TMEM167A: variants seen among roughly 807,000 people sequenced by gnomAD.
The protein encoded by TMEM167A is transmembrane protein 167A.
Under a neutral mutation model 11.6 loss-of-function variants are expected in TMEM167A, and 8 were observed. The observed-to-expected ratio is 0.69, with a 90% CI of 0.40 to 1.24. The LOEUF (loss-of-function observed/expected upper bound fraction) is 1.24, where lower values mean the gene tolerates loss of function less well. Among genes scored for constraint, TMEM167A ranks in the 50% most tolerant of loss-of-function variants. The probability of loss-of-function intolerance (pLI) is 0.01; values close to 1 mark genes in which losing one functional copy is unlikely to be tolerated. For synonymous variants in TMEM167A, 22 were observed against 28.0 expected, an observed-to-expected ratio of 0.79 and a Z score of 0.67; for missense variants, 62 against 87.0, an observed-to-expected ratio of 0.71 and a Z score of 1.14.
intron 3 of TMEM167A, among the ~76,000 whole-genome samples, chr5:83,060,655 C>G (rs1386674585): frequency 6.6e-6 from 1 of 152,012 alleles, no homozygotes; most frequent in East Asian, 1.9e-4. Context: ...CATAGTGAAA[C>G]CCTGTCTCTA....
chr5:83,061,182 T>C (rs1049324763), intron 3 of TMEM167A, among the ~76,000 whole-genome samples: 2 of 152,180 alleles, frequency 1.3e-5, no homozygotes, highest in African/African-American at 2.4e-5. Flanking sequence ...AAAGTGATTA[T>C]GTTCAGATAG....
At chr5:83,068,903 G>C (rs926335075) in intron 1 of TMEM167A, among the ~76,000 whole-genome samples, 1 of 152,138 alleles carries the variant, frequency 6.6e-6, no homozygotes, top group African/African-American at 2.4e-5. Flanking sequence ...ATAATCCAGT[G>C]CATGTGTGGT....
rs868537664 is a variant in TMEM167A, at chr5:83,067,869, A to G, written c.4-2752T>C. ...CTCAAATTGTCTAAGTGACACTTTT[A>G]TGGTCTGAAAAAGACAAAAATGATT... On this transcript the variant is annotated intron_variant, in intron 1 of 3. Coordinates refer to ENST00000502346, the MANE Select transcript of TMEM167A (RefSeq NM_174909.5). Among the ~76,000 whole-genome samples the G allele has an allele frequency of 3.3e-5, 5 of 152,260 alleles. No homozygotes were observed. In the East Asian group the frequency reaches 5.8e-4, roughly 18 times the overall value.
intron 1 of TMEM167A, among the ~76,000 whole-genome samples, chr5:83,076,194 T>A (rs1206240478): frequency 6.6e-6 from 1 of 152,222 alleles, no homozygotes; most frequent in African/African-American, 2.4e-5. Context: ...CTTGTAAACA[T>A]CTATTCAGAA....
intron 1 of TMEM167A, among the ~76,000 whole-genome samples, chr5:83,067,410 C>A (rs1744498963): frequency 6.6e-6 from 1 of 152,096 alleles, no homozygotes; most frequent in Admixed American, 6.6e-5. Context: ...AAGCAGTAGG[C>A]AAAAGGGGAT....
rs1450546400 is a variant in TMEM167A, at chr5:83,052,867, T to C, written c.*4217A>G. ...GCTCTTGAGAGTTCATCTTGACTTTTATTACACACTAGACATATATGAACT... is the reference window on the plus strand; with the variant it reads ...GCTCTTGAGAGTTCATCTTGACTTTCATTACACACTAGACATATATGAACT... On this transcript the variant is annotated 3_prime_UTR_variant, in exon 4 of 4. Coordinates refer to ENST00000502346, the MANE Select transcript of TMEM167A (RefSeq NM_174909.5). 3 of 152,006 alleles carry C rather than the reference T, an allele frequency of 2.0e-5. No homozygotes were observed. The highest frequency in any genetic ancestry group is 3.8e-4 in the East Asian group (2 of 5,198). 9.4% of individuals were successfully genotyped at this position (152,006 alleles called of 1,614,324 possible). A position where few individuals can be genotyped will look rare whatever the true frequency, so the allele number is the denominator to read the frequency against.
At chr5:83,062,875 A>T (rs1203932004) in intron 2 of TMEM167A, among the ~76,000 whole-genome samples, 1 of 150,932 alleles carries the variant, frequency 6.6e-6, no homozygotes, top group African/African-American at 2.4e-5. Context: ...TTACCAAAAG[A>T]GATGGCTGGC....
chr5:83,057,258 G>T (rs2112237538), intron 3 of TMEM167A, 104 bp from the exon 4 acceptor site: 1 of 1,067,928 alleles, frequency 9.4e-7, no homozygotes. Context: ...TTCCCTAGGA[G>T]GCCCGCACAT....
intron 3 of TMEM167A, among the ~76,000 whole-genome samples, chr5:83,060,655 C>T (rs1386674585): frequency 6.6e-6 from 1 of 151,894 alleles, no homozygotes; most frequent in Non-Finnish European, 1.5e-5. Flanking sequence ...CATAGTGAAA[C>T]CCTGTCTCTA....
rs1442125401 is a variant in TMEM167A at position 83,077,291 on chromosome 5, CA to C, written c.3+29del. The C allele has an allele frequency of 3.1e-6, 5 of 1,614,220 alleles. No homozygotes were observed. In the South Asian group the frequency reaches 5.5e-5, roughly 18 times the overall value. ...AGATCCACAACCCCTTCTCGAAGAT[CA>C]ACCGCGACCTGGGAGCCCCACTTCT... On this transcript the variant is annotated intron_variant, in intron 1 of 3. Coordinates refer to ENST00000502346, the MANE Select transcript of TMEM167A (RefSeq NM_174909.5).
At chr5:83,070,721 A>G (rs1273337824) in intron 1 of TMEM167A, among the ~76,000 whole-genome samples, 2 of 152,164 alleles carry the variant, frequency 1.3e-5, no homozygotes, top group Non-Finnish European at 1.5e-5. Context: ...TTGAAAAATT[A>G]GTTTTTAGAT....
chr5:83,076,508 A>C (rs1248727308), intron 1 of TMEM167A, among the ~76,000 whole-genome samples: 3 of 152,240 alleles, frequency 2.0e-5, no homozygotes, highest in Non-Finnish European at 4.4e-5. Flanking sequence ...CCATCTTCCC[A>C]CCAGGTGGTA....
At chr5:83,068,788 G>A (rs7718581) in intron 1 of TMEM167A, among the ~76,000 whole-genome samples, 75 of 152,272 alleles carry the variant, frequency 4.9e-4, no homozygotes, top group African/African-American at 1.8e-3. Context: ...TTTTCCTAAT[G>A]CAGTATCTAA....
intron 2 of TMEM167A, among the ~76,000 whole-genome samples, chr5:83,062,757 C>T (rs1744424941): frequency 6.6e-6 from 1 of 150,816 alleles, no homozygotes; most frequent in African/African-American, 2.4e-5. Flanking sequence ...CATATGGTTG[C>T]AAATTAAGAT....
chr5:83,075,913 GCAAA>G (rs1744644863), intron 1 of TMEM167A, among the ~76,000 whole-genome samples: 1 of 152,118 alleles, frequency 6.6e-6, no homozygotes, highest in Non-Finnish European at 1.5e-5. Context: ...TCGTAGCTCT[GCAAA>G]CAATGTACTT....
Position 83,066,588 on chromosome 5 carries a change from G to GA in TMEM167A, c.4-1472dup, listed in dbSNP as rs1039000680. Among the ~76,000 whole-genome samples, 80 of 152,120 alleles carry GA rather than the reference G, an allele frequency of 5.3e-4. 1 individual carries two copies. The Middle Eastern group carries it at 0.041, about 78-fold the overall frequency. On this transcript the variant is annotated intron_variant, in intron 1 of 3. Coordinates refer to ENST00000502346, the MANE Select transcript of TMEM167A (RefSeq NM_174909.5). ...AGAAATGTGCAACATTGGCATCAAAGAAAAAAACTGACAAAATCTTAAAAC... is the reference window on the plus strand; with the variant it reads ...AGAAATGTGCAACATTGGCATCAAAGAAAAAAAACTGACAAAATCTTAAAAC...
At chr5:83,068,496 T>G (rs1309004473) in intron 1 of TMEM167A, among the ~76,000 whole-genome samples, 4 of 152,102 alleles carry the variant, frequency 2.6e-5, no homozygotes, top group African/African-American at 9.7e-5. Flanking sequence ...AGTAACTCAT[T>G]GTTGAATGTG....
At chr5:83,057,263 G>GTA (rs113976040) in intron 3 of TMEM167A, 109 bp from the exon 4 acceptor site, 1 of 988,888 alleles carries the variant, frequency 1.0e-6, no homozygotes, top group Admixed American at 1.9e-5. Flanking sequence ...TAGGAGGCCC[G>GTA]CACATTGGGG....
At chr5:83,070,837 T>C (rs1053244859) in intron 1 of TMEM167A, among the ~76,000 whole-genome samples, 2 of 152,076 alleles carry the variant, frequency 1.3e-5, no homozygotes, top group African/African-American at 2.4e-5. Flanking sequence ...GAATTCAATA[T>C]AGGAGATTTT....
Sources: allele counts gnomAD v4.1 joint callset (sites outside exome capture counted in the v4.1 genomes callset), GRCh38; gene constraint gnomAD v4.1.1; transcripts MANE v1.5; gene names NCBI Gene and HGNC (gene_info 2026-07-23, HGNC 2026-07-21).